FAM163B: variants seen among roughly 807,000 people sequenced by gnomAD.
The protein encoded by FAM163B is protein FAM163B.
FAM163B carries 4 observed loss-of-function variants against 7.6 expected under a neutral mutation model. That is an observed-to-expected ratio of 0.52 (90% confidence interval 0.26 to 1.20). The LOEUF (loss-of-function observed/expected upper bound fraction) is 1.20. Ranked by LOEUF, FAM163B falls within the 50% of genes most tolerant of loss-of-function variation. The pLI is 0.14. For missense variants in FAM163B, 250 were observed against 243.0 expected (o/e 1.03, Z -0.19); for synonymous variants, 120 against 111.6 (o/e 1.07, Z -0.47).
At chr9:133,587,339 G>A (rs1488104022) in intron 1 of FAM163B, among the ~76,000 whole-genome samples, 1 of 152,204 alleles carries the variant, frequency 6.6e-6, no homozygotes, top group Non-Finnish European at 1.5e-5. Context: ...CGCCAAGGCT[G>A]TGGATGGCTG....
In FAM163B at chr9:133,579,505, G is replaced by A; in HGVS notation, c.94-76C>T. 3 of 1,479,068 alleles carry A rather than the reference G, an allele frequency of 2.0e-6. No homozygotes were observed. The South Asian group carries it at 4.0e-5, about 20-fold the overall frequency. The allele number at this position is 1,479,068 out of a possible 1,614,324, so 91.6% of individuals were successfully genotyped here. On this transcript the variant is annotated intron_variant, in intron 2 of 2. Coordinates refer to ENST00000673969, the MANE Select transcript of FAM163B (RefSeq NM_001080515.3). ...CCGACATGTGGGAAAGGCTACCCCT[G>A]ACTGGGGAGGGGAGATAGGCACGGT...
At chr9:133,586,694 A>C (rs1831443721) in intron 1 of FAM163B, among the ~76,000 whole-genome samples, 1 of 152,180 alleles carries the variant, frequency 6.6e-6, no homozygotes, top group Non-Finnish European at 1.5e-5. Context: ...CTGTGCTCTT[A>C]AAGAATGGAA....
intron 1 of FAM163B, among the ~76,000 whole-genome samples, chr9:133,598,575 G>A (rs112639365): frequency 0.053 from 7,677 of 145,302 alleles, 386 homozygotes; most frequent in Admixed American, 0.15. Context: ...TTCGGCCCAG[G>A]AGCCAGGCAC....
intron 1 of FAM163B, among the ~76,000 whole-genome samples, chr9:133,607,438 G>A (rs1044119880): frequency 6.6e-6 from 1 of 152,188 alleles, no homozygotes. Context: ...CTGCTGGAGA[G>A]GCGAGGGTGG....
intron 1 of FAM163B, among the ~76,000 whole-genome samples, chr9:133,599,044 C>A (rs1259204593): frequency 6.6e-6 from 1 of 152,154 alleles, no homozygotes; most frequent in East Asian, 1.9e-4. Flanking sequence ...CTGTGAGTGG[C>A]CCTTGCACCC....
In FAM163B at chr9:133,577,514, C is replaced by T. The variant is rs1258045433; in HGVS notation, c.*1508G>A. 1.3e-5 allele frequency among the ~76,000 whole-genome samples: 2 copies of T among 152,250 alleles called. No individual in the cohort carries two copies. The highest frequency in any genetic ancestry group is 2.4e-5 in the African/African-American group (1 of 41,468). On this transcript the variant is annotated 3_prime_UTR_variant, in exon 3 of 3. Transcript: ENST00000673969. ...CGACGCCTCTGGAAACTGGCCATTTCGTTTTTGAGTAAGGGCAAGAAGTGT... is the reference window on the plus strand; with the variant it reads ...CGACGCCTCTGGAAACTGGCCATTTTGTTTTTGAGTAAGGGCAAGAAGTGT...
intron 1 of FAM163B, among the ~76,000 whole-genome samples, chr9:133,602,445 G>A (rs1831742321): frequency 6.6e-6 from 1 of 152,002 alleles, no homozygotes. Context: ...CCCTCCCCCT[G>A]CTTCCCTCCA....
intron 1 of FAM163B, among the ~76,000 whole-genome samples, chr9:133,587,033 A>G (rs62575377): frequency 0.025 from 3,837 of 152,280 alleles, 65 homozygotes; most frequent in Middle Eastern, 0.075. Flanking sequence ...GAGATGACTG[A>G]CCCATATTTT....
At chr9:133,602,069 C>T (rs1831736554) in intron 1 of FAM163B, among the ~76,000 whole-genome samples, 1 of 152,038 alleles carries the variant, frequency 6.6e-6, no homozygotes, top group Admixed American at 6.5e-5. Context: ...GGGTTTGAAC[C>T]CTGCCCCCCG....
chr9:133,583,073 CCA>C (rs1344187995), intron 1 of FAM163B, among the ~76,000 whole-genome samples: 47 of 152,306 alleles, frequency 3.1e-4, no homozygotes, highest in Admixed American at 2.7e-3. Context: ...AATTATGGCC[CCA>C]CTTCATCAAT....
In FAM163B at chr9:133,600,308, T is replaced by G. The variant is rs1340642671; in HGVS notation, c.-24+8769A>C. 3.3e-5 allele frequency among the ~76,000 whole-genome samples: 5 copies of G among 150,142 alleles called. No individual in the cohort carries two copies. The East Asian group carries it at 7.8e-4, about 24-fold the overall frequency. ...GTGTGTGTGTGTGTAGTGCTGAGAGTGGATGAAGAGCAGCATGCAGGTGCA... is the reference window on the plus strand; with the variant it reads ...GTGTGTGTGTGTGTAGTGCTGAGAGGGGATGAAGAGCAGCATGCAGGTGCA... On this transcript the variant is annotated intron_variant, in intron 1 of 2. Coordinates refer to ENST00000673969, the MANE Select transcript of FAM163B (RefSeq NM_001080515.3). The surrounding 1 kb of genome is among the most constrained non-coding windows in gnomAD (Gnocchi z 4.9).
Position 133,578,185 on chromosome 9 carries a change from C to T in FAM163B, c.*837G>A, listed in dbSNP as rs1401628919. Among the ~76,000 whole-genome samples the T allele has an allele frequency of 1.4e-5, 2 of 145,212 alleles. No homozygotes were observed. The highest frequency in any genetic ancestry group is 2.6e-5 in the African/African-American group (1 of 38,888). On this transcript the variant is annotated 3_prime_UTR_variant, in exon 3 of 3. Coordinates refer to ENST00000673969, the MANE Select transcript of FAM163B (RefSeq NM_001080515.3). ...CCCTGGGCCATGGCTCTGCCCCTGACGAGCCCCGGGCTGCCTCCGTTCACT... is the reference window on the plus strand; with the variant it reads ...CCCTGGGCCATGGCTCTGCCCCTGATGAGCCCCGGGCTGCCTCCGTTCACT...
intron 2 of FAM163B, 81 bp downstream of exon 2, chr9:133,580,050 C>T (rs1457548880): frequency 8.1e-7 from 1 of 1,240,284 alleles, no homozygotes; most frequent in Non-Finnish European, 1.1e-6. Context: ...CCCTTGTGAC[C>T]TTCAGGCGGG....
chr9:133,602,009 G>A (rs1831735754), intron 1 of FAM163B, among the ~76,000 whole-genome samples: 2 of 152,166 alleles, frequency 1.3e-5, no homozygotes, highest in South Asian at 4.1e-4. Flanking sequence ...GGGGCTCCAC[G>A]GGCCGCACCG....
At chr9:133,604,759 A>ATGC (rs57205982) in intron 1 of FAM163B, among the ~76,000 whole-genome samples, 4 of 151,556 alleles carry the variant, frequency 2.6e-5, no homozygotes, top group African/African-American at 7.3e-5. Flanking sequence ...GTTCCTAGGG[A>ATGC]TGCTGCTGCT....
chr9:133,589,841 A>C (rs11794996), intron 1 of FAM163B, among the ~76,000 whole-genome samples: 20,406 of 150,376 alleles, frequency 0.14, 1,603 homozygotes, highest in Non-Finnish European at 0.17. Context: ...GGCAGATGAG[A>C]TGCACCAAGA....
At chr9:133,592,239 T>G (rs186222366) in intron 1 of FAM163B, among the ~76,000 whole-genome samples, 1 of 152,098 alleles carries the variant, frequency 6.6e-6, no homozygotes, top group Non-Finnish European at 1.5e-5. Flanking sequence ...CCAAGCACCC[T>G]GGGAGGGCTG....
chr9:133,585,717 G>A (rs1831425897), intron 1 of FAM163B, among the ~76,000 whole-genome samples: 1 of 152,242 alleles, frequency 6.6e-6, no homozygotes, highest in African/African-American at 2.4e-5. Context: ...AGCTGCACGG[G>A]CCCTGCAATC....
intron 1 of FAM163B, among the ~76,000 whole-genome samples, chr9:133,604,624 T>G (rs1390480684): frequency 1.3e-5 from 2 of 152,286 alleles, no homozygotes; most frequent in South Asian, 4.2e-4. Context: ...TCACCCTTGC[T>G]TTATGCAAAT....
Sources: allele counts gnomAD v4.1 joint callset (sites outside exome capture counted in the v4.1 genomes callset), GRCh38; gene constraint gnomAD v4.1.1; non-coding constraint Gnocchi (gnomAD v3.1); transcripts MANE v1.5; gene names NCBI Gene and HGNC (gene_info 2026-07-23, HGNC 2026-07-21).